RAD51B: variants seen among roughly 807,000 people sequenced by gnomAD.
The protein encoded by RAD51B is DNA repair protein RAD51 homolog 2.
A neutral mutation model predicts 42.2 loss-of-function variants in RAD51B; 38 were observed. The observed-to-expected ratio is 0.90, with a 90% CI of 0.70 to 1.18. The LOEUF (loss-of-function observed/expected upper bound fraction) is 1.18, where lower values mean the gene tolerates loss of function less well. RAD51B is among the 50% of genes most tolerant of loss of function. RAD51B has a pLI of 0.00. For missense variants in RAD51B, 373 were observed against 400.7 expected (o/e 0.93, Z 0.59); for synonymous variants, 154 against 145.2 (o/e 1.06, Z -0.43).
chr14:68,072,079 A>ATATATATAATTATATATATT lies in RAD51B; in HGVS notation c.756+184884_756+184885insTTATATATATTTATATATAA, dbSNP rs1566622975. 7.3e-3 allele frequency among the ~76,000 whole-genome samples: 773 copies of ATATATATAATTATATATATT among 106,550 alleles called. 9 individuals carry two copies. Among genetic ancestry groups the ATATATATAATTATATATATT allele is most frequent in the Middle Eastern group, 0.02 (3 of 152 alleles). 69.9% of individuals were successfully genotyped at this position (106,550 alleles called of 152,430 possible). On this transcript the variant is annotated intron_variant, in intron 7 of 10. Coordinates refer to ENST00000471583, the MANE Select transcript of RAD51B (RefSeq NM_133510.4). ...TATATATATTTATATAAATATATAA[A>ATATATATAATTATATATATT]TATATATAAATATATAATATATAAA...
At chr14:68,137,624 T>C (rs2078037815) in intron 7 of RAD51B, among the ~76,000 whole-genome samples, 1 of 152,224 alleles carries the variant, frequency 6.6e-6, no homozygotes, top group African/African-American at 2.4e-5. Flanking sequence ...CATCCCTAAA[T>C]ATATGCCTTT....
At chr14:68,315,006 C>T (rs2082028044) in intron 8 of RAD51B, among the ~76,000 whole-genome samples, 2 of 152,206 alleles carry the variant, frequency 1.3e-5, no homozygotes, top group African/African-American at 4.8e-5. Context: ...GTAAAGTTAA[C>T]TCCCTTTAGT....
intron 10 of RAD51B, among the ~76,000 whole-genome samples, chr14:68,548,158 A>G (rs1888332665): frequency 6.6e-6 from 1 of 152,126 alleles, no homozygotes; most frequent in South Asian, 2.1e-4. Context: ...CTCTTTTTCT[A>G]AGAAGGCTGA....
chr14:68,521,585 T>G (rs1313567675), intron 10 of RAD51B, among the ~76,000 whole-genome samples: 1 of 152,242 alleles, frequency 6.6e-6, no homozygotes, highest in African/African-American at 2.4e-5. Flanking sequence ...GATATATTGT[T>G]GTAAAGAAGC....
At chr14:67,844,778 C>A (rs953189007) in intron 4 of RAD51B, among the ~76,000 whole-genome samples, 1 of 151,980 alleles carries the variant, frequency 6.6e-6, no homozygotes, top group Non-Finnish European at 1.5e-5. Context: ...GCTCCCCCCA[C>A]CCCACAACAG....
chr14:67,916,594 C>A (rs1329037906), intron 7 of RAD51B, among the ~76,000 whole-genome samples: 1 of 151,884 alleles, frequency 6.6e-6, no homozygotes, highest in Non-Finnish European at 1.5e-5. Context: ...AAAGCTTGGG[C>A]TTGGAAGTCT....
chr14:68,249,928 G>C (rs994817986), intron 7 of RAD51B, among the ~76,000 whole-genome samples: 3 of 152,234 alleles, frequency 2.0e-5, no homozygotes, highest in Non-Finnish European at 4.4e-5. Flanking sequence ...CACCGCCATA[G>C]TGAGGCTTTG....
intron 10 of RAD51B, among the ~76,000 whole-genome samples, chr14:68,493,823 T>A (rs1347184861): frequency 6.6e-6 from 1 of 152,252 alleles, no homozygotes; most frequent in Non-Finnish European, 1.5e-5. Context: ...ATTGATGAAC[T>A]ATAGATGTCA....
At chr14:68,619,415 T>C (rs1473667401) in intron 10 of RAD51B, among the ~76,000 whole-genome samples, 1 of 147,750 alleles carries the variant, frequency 6.8e-6, no homozygotes, top group African/African-American at 2.5e-5. Context: ...GTGAGTGAGA[T>C]CGCACCACTG....
At chr14:68,550,958 C>CCTAG (rs1260417034) in intron 10 of RAD51B, among the ~76,000 whole-genome samples, 1 of 152,146 alleles carries the variant, frequency 6.6e-6, no homozygotes, top group African/African-American at 2.4e-5. Context: ...GAATGAACAT[C>CCTAG]CTAGCAGAGG....
chr14:68,012,427 G>T (rs962166711), intron 7 of RAD51B, among the ~76,000 whole-genome samples: 8 of 142,018 alleles, frequency 5.6e-5, no homozygotes, highest in Admixed American at 1.4e-4. Flanking sequence ...ATAAAACAAA[G>T]AATTTTATAT....
intron 7 of RAD51B, among the ~76,000 whole-genome samples, chr14:68,071,993 T>C (rs1333938510): frequency 6.9e-6 from 1 of 144,476 alleles, no homozygotes. Flanking sequence ...TGGGATGTTG[T>C]ATGTTTCCAG....
At chr14:68,639,821 G>A (rs116720380) in intron 10 of RAD51B, among the ~76,000 whole-genome samples, 2,942 of 152,010 alleles carry the variant, frequency 0.019, 90 homozygotes, top group African/African-American at 0.066. Context: ...TCAGAGTCTC[G>A]CTTTGTTGTC....
In RAD51B at chr14:67,913,982, G is replaced by A. The variant is rs115104793; in HGVS notation, c.756+26778G>A. The stretch of plus-strand genomic sequence containing the variant: ...ATCATTTTACTCTTTATCTCCATGA[G>A]TTCAATTTTTTTTTTTTTGAGATGG... On this transcript the variant is annotated intron_variant, in intron 7 of 10. Coordinates refer to ENST00000471583, the MANE Select transcript of RAD51B (RefSeq NM_133510.4). Among the ~76,000 whole-genome samples, 1,338 of 147,570 alleles carry A rather than the reference G, an allele frequency of 9.1e-3. 21 individuals are homozygous for A. Among genetic ancestry groups the A allele is most frequent in the African/African-American group, 0.032 (1,259 of 39,676 alleles).
chr14:68,673,911 AC>A (rs1893241777), intron 11 of RAD51B, among the ~76,000 whole-genome samples: 1 of 118,394 alleles, frequency 8.4e-6, no homozygotes, highest in Non-Finnish European at 1.9e-5. Context: ...CATACTGTAC[AC>A]ACACATATGT....
At chr14:68,193,376 A>G (rs1403905158) in intron 7 of RAD51B, among the ~76,000 whole-genome samples, 6 of 152,106 alleles carry the variant, frequency 3.9e-5, no homozygotes, top group Non-Finnish European at 5.9e-5. Context: ...TTGATTTTGT[A>G]CATGTTTTTT....
At chr14:68,064,433 C>G (rs999823007) in intron 7 of RAD51B, among the ~76,000 whole-genome samples, 1 of 152,016 alleles carries the variant, frequency 6.6e-6, no homozygotes, top group Non-Finnish European at 1.5e-5. Context: ...CGGAGAGGAC[C>G]TTATTGGTTT....
At chr14:68,644,460 G>C (rs1297590503) in intron 10 of RAD51B, among the ~76,000 whole-genome samples, 2 of 152,194 alleles carry the variant, frequency 1.3e-5, no homozygotes, top group Non-Finnish European at 2.9e-5. Context: ...ACAGGACTTG[G>C]TAAGACCATC....
At chr14:68,394,003 A>G (rs1260417713) in intron 8 of RAD51B, among the ~76,000 whole-genome samples, 1 of 152,084 alleles carries the variant, frequency 6.6e-6, no homozygotes, top group Non-Finnish European at 1.5e-5. Flanking sequence ...GAACTTGTGC[A>G]GTCTCTGTGG....
Sources: allele counts gnomAD v4.1 joint callset (sites outside exome capture counted in the v4.1 genomes callset), GRCh38; gene constraint gnomAD v4.1.1; transcripts MANE v1.5; gene names NCBI Gene and HGNC (gene_info 2026-07-23, HGNC 2026-07-21).